Variants in TNFRSF14 observed in about 807,000 individuals in gnomAD.
TNFRSF14 encodes tumor necrosis factor receptor superfamily member 14.
In TNFRSF14, 18 loss-of-function variants were observed where a neutral mutation model predicts 34.1. That is an observed-to-expected ratio of 0.53 (90% CI 0.36 to 0.78). The LOEUF (loss-of-function observed/expected upper bound fraction) is 0.78. Ranked by LOEUF, TNFRSF14 falls within the 30% of genes least tolerant of loss-of-function variation. TNFRSF14 has a pLI of 0.00. For missense variants in TNFRSF14, 352 were observed against 379.5 expected, an observed-to-expected ratio of 0.93 and a Z score of 0.60; for synonymous variants, 157 against 153.2, an observed-to-expected ratio of 1.02 and a Z score of -0.18.
chr1:2,556,104 G>C (rs1644207697), upstream of TNFRSF14: 1 of 355,134 alleles, frequency 2.8e-6, no homozygotes, highest in East Asian at 6.0e-5. Flanking sequence ...GACTGAAATT[G>C]GCCAGACCGC....
At chr1:2,559,083 A>G (rs1246839620) in intron 3 of TNFRSF14, 1 of 1,368,958 alleles carries the variant, frequency 7.3e-7, no homozygotes, top group African/African-American at 1.4e-5. Flanking sequence ...GCGGCCAGGC[A>G]GGACTGCACC....
Position 2,563,334 on chromosome 1 carries a change from G to A in TNFRSF14, c.*61G>A, listed in dbSNP as rs1644339141. On this transcript the variant is annotated 3_prime_UTR_variant, in exon 8 of 8. Coordinates refer to ENST00000355716, the MANE Select transcript of TNFRSF14 (RefSeq NM_003820.4). ...GGAGCGACGGCTGCTGAAAGAGGCT[G>A]TCCACCTGGCGGAACCACCGGAGCC... 6.3e-7 allele frequency: 1 copy of A among 1,597,540 alleles called. No individual in the cohort carries two copies.
chr1:2,561,317 G>C lies in TNFRSF14; in HGVS notation c.552-356G>C, dbSNP rs1463126444. 3 of 619,178 alleles carry C rather than the reference G, an allele frequency of 4.8e-6. No individual in the cohort carries two copies. 38.4% of individuals were successfully genotyped at this position (619,178 alleles called of 1,614,324 possible). A position where few individuals can be genotyped will look rare whatever the true frequency, so the allele number is the denominator to read the frequency against. On this transcript the variant is annotated intron_variant, in intron 5 of 7. Transcript: ENST00000355716. This position sits in a 1 kb window ranked among gnomAD's most constrained non-coding sequence, Gnocchi z 6.0. ...CTCCAGCTCTAACCATTTTTGTCCC[G>C]ACACTGGCTCTCCCTCTACCTTCTG...
chr1:2,563,395 G>A lies in TNFRSF14; in HGVS notation c.*122G>A, dbSNP rs936224635. 249 of 1,488,502 alleles carry A rather than the reference G, an allele frequency of 1.7e-4. No individual in the cohort carries two copies. The highest frequency in any genetic ancestry group is 1.4e-3 in the African/African-American group (103 of 71,336). The allele number at this position is 1,488,502 out of a possible 1,614,324, so 92.2% of individuals were successfully genotyped here. A position where few individuals can be genotyped will look rare whatever the true frequency, so the allele number is the denominator to read the frequency against. On this transcript the variant is annotated 3_prime_UTR_variant, in exon 8 of 8. Transcript: ENST00000355716. ...GGGGCTCCGCCCTGGGCTGGCTTCC[G>A]TCTCCTCCAGTGGAGGGAGAGGTGG...
At chr1:2,562,584 GTTGAATTAGGGTTAGTT>G (rs2100863053) in intron 6 of TNFRSF14, 1 of 584,094 alleles carries the variant, frequency 1.7e-6, no homozygotes, top group Non-Finnish European at 3.0e-6. Context: ...ATAGATGACG[GTTGAATTAGGGTTAGTT>G]ATGCACTTGG....
Position 2,561,814 on chromosome 1 carries a change from G to A in TNFRSF14, c.693G>A (p.Arg231=), listed in dbSNP as rs199585487. ...TATGTGTGAAAAGAAGAAAGCCAAG[G>A]GGTGAGCACACGGCGGCCCCATCAG... ...LIICVKRRKP[R]GDVVKVIVSV... The change falls in exon 6 of 8, where the codon AGG becomes AGA. Residue 231 remains arginine, a splice_region_variant and synonymous_variant. Transcript: ENST00000355716. The surrounding 1 kb of genome is among the most constrained non-coding windows in gnomAD (Gnocchi z 6.0). The A allele has an allele frequency of 5.8e-5, 93 of 1,613,358 alleles. No homozygotes were observed. The highest frequency in any genetic ancestry group is 4.2e-4 in the Admixed American group (25 of 59,992).
rs1236189135 is a variant in TNFRSF14 at position 2,559,831 on chromosome 1, C to A, written c.313C>A (p.Leu105Met). The change falls in exon 4 of 8, where the codon CTG becomes ATG. Residue 105 changes from leucine (L) to methionine (M), a missense_variant. Physicochemically the swap from Leu to Met is conservative, Grantham distance 15. Transcript: ENST00000355716. ...CTCCTCTTGGACTCCAGCCATGGGCCTGCGCGCGAGCCGGAACTGCTCCAG... is the reference window on the plus strand; with the variant it reads ...CTCCTCTTGGACTCCAGCCATGGGCATGCGCGCGAGCCGGAACTGCTCCAG... ...QCQMCDPAMGLRASRNCSRTE... is the reference protein window; with the variant it reads ...QCQMCDPAMGMRASRNCSRTE... 3.1e-6 allele frequency: 5 copies of A among 1,607,186 alleles called. No individual in the cohort carries two copies. In the African/African-American group the frequency reaches 6.7e-5, roughly 21 times the overall value.
In TNFRSF14 at chr1:2,556,740, C is replaced by T; in HGVS notation, c.69+7C>T. 6.9e-6 allele frequency: 11 copies of T among 1,586,580 alleles called. No individual in the cohort carries two copies. Among genetic ancestry groups the T allele is most frequent in the Non-Finnish European group, 9.4e-6 (11 of 1,167,626 alleles). On this transcript the variant is annotated splice_region_variant and intron_variant, in intron 1 of 7. Coordinates refer to ENST00000355716, the MANE Select transcript of TNFRSF14 (RefSeq NM_003820.4). Reference sequence around the variant, plus strand: ...AACCGACGTCTTGAGGCTGGTGAGCCCCCGAGCCTCCTCTCCGTCTGCTCG... The same window carrying T: ...AACCGACGTCTTGAGGCTGGTGAGCTCCCGAGCCTCCTCTCCGTCTGCTCG...
chr1:2,563,206 C>T lies in TNFRSF14; in HGVS notation c.785C>T (p.Pro262Leu), dbSNP rs371087831. The change falls in exon 8 of 8, where the codon CCG (proline) becomes CTG (leucine). Residue 262 changes from proline (P) to leucine (L), a missense_variant. Transcript: ENST00000355716. ...GTCATTGAGGCCCTGCAGGCCCCTC[C>T]GGACGTCACCACGGTGGCCGTGGAG... Reference protein sequence around the residue: ...ATVIEALQAPPDVTTVAVEET... With the variant: ...ATVIEALQAPLDVTTVAVEET... The T allele has an allele frequency of 5.6e-4, 906 of 1,613,494 alleles. 11 individuals are homozygous for T. The South Asian group carries it at 9.0e-3, about 16-fold the overall frequency.
chr1:2,559,085 G>A (rs1480103007), intron 3 of TNFRSF14: 1 of 1,368,942 alleles, frequency 7.3e-7, no homozygotes. Context: ...GGCCAGGCAG[G>A]ACTGCACCTG....
At position 2,556,548 on chromosome 1, in the gene TNFRSF14, ATTCTCTTTCTCT is replaced by A. The variant is rs571788669; in HGVS notation, c.-103_-92del. The A allele has an allele frequency of 2.9e-6, 3 of 1,021,418 alleles. No homozygotes were observed. Among genetic ancestry groups the A allele is most frequent in the Non-Finnish European group, 4.5e-6 (3 of 665,774 alleles). The allele number at this position is 1,021,418 out of a possible 1,614,324, so 63.3% of individuals were successfully genotyped here. The stretch of plus-strand genomic sequence containing the variant: ...GGCACAGCTTGTCACACCGAGGCGG[ATTCTCTTTCTCT>A]TTCTCTTTCTCTTCTGGCCCACAGC... On this transcript the variant is annotated 5_prime_UTR_variant, in exon 1 of 8. Transcript: ENST00000355716.
intron 5 of TNFRSF14, chr1:2,560,954 G>A: frequency 3.9e-6 from 2 of 516,232 alleles, no homozygotes; most frequent in Non-Finnish European, 3.4e-6. Context: ...GCTCAGGATG[G>A]GCCTTCCCAG....
chr1:2,563,286 G>C lies in TNFRSF14; in HGVS notation c.*13G>C, dbSNP rs773272576. On this transcript the variant is annotated 3_prime_UTR_variant, in exon 8 of 8. Coordinates refer to ENST00000355716, the MANE Select transcript of TNFRSF14 (RefSeq NM_003820.4). ...CCCAAACCACTGACCCACAGACTCTGCACCCCGACGCCAGAGATACCTGGA... is the reference window on the plus strand; with the variant it reads ...CCCAAACCACTGACCCACAGACTCTCCACCCCGACGCCAGAGATACCTGGA... 6.2e-7 allele frequency: 1 copy of C among 1,612,008 alleles called. No individual in the cohort carries two copies. The highest frequency in any genetic ancestry group is 1.1e-5 in the South Asian group (1 of 91,052).
Position 2,556,592 on chromosome 1 carries a change from A to G in TNFRSF14, c.-73A>G. On this transcript the variant is annotated 5_prime_UTR_variant, in exon 1 of 8. Transcript: ENST00000355716. ...TTCTCTTCTGGCCCACAGCCGCAGC[A>G]ATGGCGCTGAGTTCCTCTGCTGGAG... is the stretch of plus-strand genomic sequence containing the variant. 7.1e-7 allele frequency: 1 copy of G among 1,417,398 alleles called. No homozygotes were observed. Among genetic ancestry groups the G allele is most frequent in the Middle Eastern group, 1.8e-4 (1 of 5,714 alleles). The allele number at this position is 1,417,398 out of a possible 1,614,324, so 87.8% of individuals were successfully genotyped here.
chr1:2,561,898 C>T lies in TNFRSF14; in HGVS notation c.694+83C>T, dbSNP rs1397734609. ...CTGTCACCCCAAGCCTGGGAGGTGGCCCCAGAGCTTTTCCAGGATCCGCGG... is the reference window on the plus strand; with the variant it reads ...CTGTCACCCCAAGCCTGGGAGGTGGTCCCAGAGCTTTTCCAGGATCCGCGG... On this transcript the variant is annotated intron_variant, in intron 6 of 7. Coordinates refer to ENST00000355716, the MANE Select transcript of TNFRSF14 (RefSeq NM_003820.4). This position sits in a 1 kb window ranked among gnomAD's most constrained non-coding sequence, Gnocchi z 6.0. The T allele has an allele frequency of 3.5e-6, 5 of 1,443,908 alleles. No homozygotes were observed. Among genetic ancestry groups the T allele is most frequent in the East Asian group, 2.3e-5 (1 of 43,698 alleles). 89.4% of individuals were successfully genotyped at this position (1,443,908 alleles called of 1,614,324 possible). A position where few individuals can be genotyped will look rare whatever the true frequency, so the allele number is the denominator to read the frequency against.
At position 2,562,595 on chromosome 1, in the gene TNFRSF14, G is replaced by T. The variant is rs142573286; in HGVS notation, c.695-270G>T. The T allele has an allele frequency of 8.1e-4, 483 of 594,986 alleles. 1 individual carries two copies. In the African/African-American group the frequency reaches 8.4e-3, roughly 10 times the overall value. 36.9% of individuals were successfully genotyped at this position (594,986 alleles called of 1,614,324 possible). The stretch of plus-strand genomic sequence containing the variant: ...TCCCATAGATGACGGTTGAATTAGG[G>T]TTAGTTATGCACTTGGGGGCCTCAG... On this transcript the variant is annotated intron_variant, in intron 6 of 7. Transcript: ENST00000355716.
chr1:2,558,517 GC>G (rs2100846709), intron 3 of TNFRSF14, 49 bp downstream of exon 3: 3 of 1,605,370 alleles, frequency 1.9e-6, no homozygotes, highest in Non-Finnish European at 2.5e-6. Flanking sequence ...CAGCCTGGAT[GC>G]CCCCGCACCC....
chr1:2,562,457 A>G, intron 6 of TNFRSF14: 1 of 288,086 alleles, frequency 3.5e-6, no homozygotes, highest in Non-Finnish European at 6.6e-6. Context: ...CAATGCGGGG[A>G]GGTCTCGGGG....
chr1:2,563,060 C>G, intron 7 of TNFRSF14, 88 bp from the exon 8 acceptor site: 4 of 1,595,170 alleles, frequency 2.5e-6, no homozygotes, highest in Non-Finnish European at 3.4e-6. Flanking sequence ...CCCACCCCCT[C>G]AAACTGAAAG....
Sources: allele counts gnomAD v4.1 joint callset, GRCh38; gene constraint gnomAD v4.1.1; non-coding constraint Gnocchi (gnomAD v3.1); transcripts MANE v1.5; gene names NCBI Gene and HGNC (gene_info 2026-07-23, HGNC 2026-07-21).